Variants in MYEF2 observed in about 807,000 individuals in gnomAD.
The protein encoded by MYEF2 is myelin gene expression factor 2.
MYEF2 carries 37 observed loss-of-function variants against 75.2 expected under a neutral mutation model. The ratio of observed to expected loss-of-function variants is 0.49; its 90% confidence interval spans 0.38 to 0.65. The LOEUF (loss-of-function observed/expected upper bound fraction) is 0.65, where lower values mean the gene tolerates loss of function less well. Among genes scored for constraint, MYEF2 ranks in the 30% least tolerant of loss-of-function variants. The pLI is 0.00. For synonymous variants in MYEF2, 195 were observed against 241.6 expected (o/e 0.81, Z 1.79); for missense variants, 634 against 771.4 (o/e 0.82, Z 2.11).
intron 7 of MYEF2, 127 bp from the exon 8 acceptor site, chr15:48,158,351 T>G: frequency 1.3e-6 from 1 of 783,676 alleles, no homozygotes; most frequent in Non-Finnish European, 2.0e-6. Context: ...TACTTATTGA[T>G]ATTAGCCACT....
At position 48,149,163 on chromosome 15, in the gene MYEF2, A is replaced by C; in HGVS notation, c.1587T>G (p.Asn529Lys). Residue 529 changes from asparagine to lysine, a missense_variant and splice_region_variant, in exon 15 of 17, where the codon AAT becomes AAG. Coordinates refer to ENST00000324324, the MANE Select transcript of MYEF2 (RefSeq NM_016132.5). This position sits in a 1 kb window ranked among gnomAD's most constrained non-coding sequence, Gnocchi z 4.0. The part of the protein sequence containing the change: ...GSKGNQIFVR[N>K]LPFDLTWQKL... ...TTATCCTTAATATTTATTTGCTTAC[A>C]TTTCTGACAAATATCTGGTTGCCTT... is the stretch of plus-strand genomic sequence containing the variant. 6.2e-7 allele frequency: 1 copy of C among 1,613,308 alleles called. No individual in the cohort carries two copies. Among genetic ancestry groups the C allele is most frequent in the Admixed American group, 1.7e-5 (1 of 59,946 alleles).
At position 48,136,271 on chromosome 15, in the gene MYEF2, T is replaced by C. The variant is rs1442173353; in HGVS notation, c.*6637A>G. 1 of 153,166 alleles carries C rather than the reference T, an allele frequency of 6.5e-6. No individual in the cohort carries two copies. The highest frequency in any genetic ancestry group is 1.5e-5 in the Non-Finnish European group (1 of 68,768). The allele number at this position is 153,166 out of a possible 1,614,324, so 9.5% of individuals were successfully genotyped here. A position where few individuals can be genotyped will look rare whatever the true frequency, so the allele number is the denominator to read the frequency against. On this transcript the variant is annotated 3_prime_UTR_variant, in exon 17 of 17. Transcript: ENST00000324324. ...ACAGTTGAAATAACTTAACAGTTAC[T>C]ATATTATTTTATAATTATTATGTAT...
In MYEF2 at chr15:48,149,256, G is replaced by A; in HGVS notation, c.1494C>T (p.Ser498=). ...ATAAAAATCCTCGATCCATATCGAT[G>A]CTCCTTTCCAGTATAGCTCCTATAC... ...GPGIGAILER[S]IDMDRGFLSG... is the part of the protein sequence containing the mutation. The change falls in exon 15 of 17, where the codon AGC becomes AGT. Residue 498 remains serine, a synonymous_variant. Coordinates refer to ENST00000324324, the MANE Select transcript of MYEF2 (RefSeq NM_016132.5). This position sits in a 1 kb window ranked among gnomAD's most constrained non-coding sequence, Gnocchi z 4.0. 1 of 1,613,378 alleles carries A rather than the reference G, an allele frequency of 6.2e-7. No individual in the cohort carries two copies. The highest frequency in any genetic ancestry group is 2.2e-5 in the East Asian group (1 of 44,872).
intron 1 of MYEF2, among the ~76,000 whole-genome samples, chr15:48,172,867 T>G (rs1289355500): frequency 6.6e-6 from 1 of 152,106 alleles, no homozygotes; most frequent in Non-Finnish European, 1.5e-5. Context: ...ATGGAGTCAG[T>G]AATCAAAAAT....
intron 11 of MYEF2, 138 bp from the exon 12 acceptor site, chr15:48,152,080 T>C: frequency 8.8e-7 from 1 of 1,137,388 alleles, no homozygotes; most frequent in Non-Finnish European, 1.3e-6. Flanking sequence ...ATCACCTTCC[T>C]TTAAGTATGT....
At position 48,173,861 on chromosome 15, in the gene MYEF2, G is replaced by C. The variant is rs2040422104; in HGVS notation, c.161+4216C>G. Among the ~76,000 whole-genome samples, 3 of 151,986 alleles carry C rather than the reference G, an allele frequency of 2.0e-5. No homozygotes were observed. In the South Asian group the frequency reaches 6.2e-4, roughly 32 times the overall value. On this transcript the variant is annotated intron_variant, in intron 1 of 16. Transcript: ENST00000324324. ...AAAAGAAATTGAAAATAATACAAATGAAAGATATTCCATGTTCACAGATGA... is the reference window on the plus strand; with the variant it reads ...AAAAGAAATTGAAAATAATACAAATCAAAGATATTCCATGTTCACAGATGA...
At chr15:48,154,997 C>T (rs1420785990) in intron 9 of MYEF2, among the ~76,000 whole-genome samples, 1 of 151,652 alleles carries the variant, frequency 6.6e-6, no homozygotes, top group Non-Finnish European at 1.5e-5. Context: ...TTAAAATATC[C>T]AGAAGAATCC....
chr15:48,157,794 C>CAAAGAGAAAAAA, intron 9 of MYEF2, 199 bp downstream of exon 9: 1 of 1,307,830 alleles, frequency 7.6e-7, no homozygotes, highest in Admixed American at 3.4e-5. Context: ...GAAAAGTTAC[C>CAAAGAGAAAAAA]AAAGAGAAAA....
intron 5 of MYEF2, 118 bp from the exon 6 acceptor site, chr15:48,159,922 G>C: frequency 9.7e-7 from 1 of 1,031,040 alleles, no homozygotes; most frequent in Non-Finnish European, 1.4e-6. Context: ...TGACCCTCTT[G>C]AAGAGTGAGC....
chr15:48,168,347 T>C (rs1318613880), intron 2 of MYEF2, among the ~76,000 whole-genome samples: 2 of 152,058 alleles, frequency 1.3e-5, no homozygotes, highest in African/African-American at 2.4e-5. Flanking sequence ...TTAAAATCTA[T>C]AAAAACTTCA....
intron 14 of MYEF2, 58 bp downstream of exon 14, chr15:48,151,042 A>G: frequency 3.3e-6 from 4 of 1,228,790 alleles, no homozygotes; most frequent in East Asian, 2.4e-5. Context: ...CTACTCTTGC[A>G]AAGTCTTTGC....
Position 48,136,640 on chromosome 15 carries a change from G to T in MYEF2, c.*6268C>A. 1 of 1,538,432 alleles carries T rather than the reference G, an allele frequency of 6.5e-7. No individual in the cohort carries two copies. The highest frequency in any genetic ancestry group is 1.3e-5 in the South Asian group (1 of 78,934). On this transcript the variant is annotated 3_prime_UTR_variant, in exon 17 of 17. Coordinates refer to ENST00000324324, the MANE Select transcript of MYEF2 (RefSeq NM_016132.5). Reference sequence around the variant, plus strand: ...GCCCAAAAGCTATCAACTCTAAAATGACTTTCACTTTTAATTTAAAAACAC... The same window carrying T: ...GCCCAAAAGCTATCAACTCTAAAATTACTTTCACTTTTAATTTAAAAACAC...
chr15:48,142,566 A>G lies in MYEF2; in HGVS notation c.*342T>C. On this transcript the variant is annotated 3_prime_UTR_variant, in exon 17 of 17. Transcript: ENST00000324324. ...TAAAACAGAAGTTTGGGGGGAAAAA[A>G]TCTATGTTTTACCATACAATAAGTT... The G allele has an allele frequency of 6.3e-6, 3 of 478,980 alleles. No individual in the cohort carries two copies. Among genetic ancestry groups the G allele is most frequent in the Middle Eastern group, 5.6e-4 (1 of 1,800 alleles). The allele number at this position is 478,980 out of a possible 1,614,324, so 29.7% of individuals were successfully genotyped here. A position where few individuals can be genotyped will look rare whatever the true frequency, so the allele number is the denominator to read the frequency against.
At chr15:48,167,178 C>G (rs1008186707) in intron 3 of MYEF2, among the ~76,000 whole-genome samples, 171 bp downstream of exon 3, 1 of 152,032 alleles carries the variant, frequency 6.6e-6, no homozygotes, top group African/African-American at 2.4e-5. Context: ...CCCTTCCAGG[C>G]AGCTAGGTTT....
intron 5 of MYEF2, among the ~76,000 whole-genome samples, chr15:48,162,078 T>C (rs953129736): frequency 5.3e-5 from 8 of 151,770 alleles, no homozygotes; most frequent in African/African-American, 1.9e-4. Flanking sequence ...TAATAACTTT[T>C]TTAATAATAA....
chr15:48,177,549 A>G (rs1016114530), intron 1 of MYEF2, among the ~76,000 whole-genome samples: 2 of 152,236 alleles, frequency 1.3e-5, no homozygotes, highest in African/African-American at 4.8e-5. Context: ...TCCTCTCGGT[A>G]TAAATCAGTT....
At position 48,151,534 on chromosome 15, in the gene MYEF2, T is replaced by G; in HGVS notation, c.1245A>C (p.Arg415=). The G allele has an allele frequency of 6.2e-7, 1 of 1,612,908 alleles. No homozygotes were observed. Residue 415 remains arginine, a synonymous_variant, in exon 13 of 17, where the codon CGA becomes CGC. Transcript: ENST00000324324. The stretch of plus-strand genomic sequence containing the variant: ...TTCCAATATCACCACGTCCAAAATC[T>G]CGCTCCATGCTACTAGTCATCGCAC... ...YRGAMTSSME[R]DFGRGDIGIN... is the part of the protein sequence containing the mutation.
At chr15:48,156,834 A>T (rs550976853) in intron 9 of MYEF2, among the ~76,000 whole-genome samples, 1 of 152,174 alleles carries the variant, frequency 6.6e-6, no homozygotes, top group Non-Finnish European at 1.5e-5. Context: ...CAAAATTTTA[A>T]ATCCAACAAA....
intron 16 of MYEF2, among the ~76,000 whole-genome samples, chr15:48,145,597 T>C (rs2039252023): frequency 6.6e-6 from 1 of 151,920 alleles, no homozygotes; most frequent in Non-Finnish European, 1.5e-5. Flanking sequence ...GAAACCTTTC[T>C]GTTTTATTTA....
Sources: gnomAD v4.1 joint callset for allele counts (sites outside exome capture counted in the v4.1 genomes callset) on GRCh38, gnomAD v4.1.1 for gene constraint, Gnocchi (gnomAD v3.1) non-coding constraint, MANE v1.5 for transcripts, NCBI Gene and HGNC (gene_info 2026-07-23, HGNC 2026-07-21) for gene names.